The following SDK1 variants were observed in gnomAD, a reference collection of about 807,000 sequenced individuals.
SDK1 encodes sidekick cell adhesion molecule 1, also known as protein sidekick-1.
Under a neutral mutation model 245.5 loss-of-function variants are expected in SDK1, and 157 were observed. That is an observed-to-expected ratio of 0.64 (90% CI 0.56 to 0.73). The LOEUF is 0.73. Ranked by LOEUF, SDK1 falls within the 30% of genes least tolerant of loss-of-function variation. The pLI is 0.00. For synonymous variants in SDK1, 1,647 were observed against 1,278.5 expected, an observed-to-expected ratio of 1.29 and a Z score of -6.15; for missense variants, 3,583 against 3,002.3, an observed-to-expected ratio of 1.19 and a Z score of -4.52.
intron 5 of SDK1, among the ~76,000 whole-genome samples, chr7:3,859,032 T>A (rs1315511851): frequency 6.6e-6 from 1 of 151,418 alleles, no homozygotes; most frequent in Non-Finnish European, 1.5e-5. Context: ...CCGGCTAATT[T>A]TTTGTATTTT....
intron 5 of SDK1, among the ~76,000 whole-genome samples, chr7:3,896,535 G>C (rs1013880): frequency 0.36 from 55,255 of 152,064 alleles, 13,791 homozygotes; most frequent in African/African-American, 0.71. Context: ...CTGGGCCTCC[G>C]CAGACTCTAA....
At chr7:3,444,137 C>T (rs186364852) in intron 1 of SDK1, among the ~76,000 whole-genome samples, 60 of 152,258 alleles carry the variant, frequency 3.9e-4, no homozygotes, top group African/African-American at 1.3e-3. Context: ...CTGGAAAGGG[C>T]GGGTTTAATT....
chr7:3,439,045 G>A (rs1420710724), intron 1 of SDK1, among the ~76,000 whole-genome samples: 1 of 151,726 alleles, frequency 6.6e-6, no homozygotes, highest in African/African-American at 2.4e-5. Flanking sequence ...TAGAGATGGG[G>A]TTTTACCACG....
At chr7:4,097,185 C>G (rs915675053) in intron 22 of SDK1, among the ~76,000 whole-genome samples, 2 of 152,228 alleles carry the variant, frequency 1.3e-5, no homozygotes, top group Admixed American at 6.5e-5. Context: ...CACCCCACCT[C>G]GCAGCAAACA....
intron 1 of SDK1, among the ~76,000 whole-genome samples, chr7:3,321,493 T>C (rs13230698): frequency 0.61 from 92,213 of 151,946 alleles, 28,860 homozygotes; most frequent in African/African-American, 0.78. Flanking sequence ...AGTGCACTTA[T>C]TTGGTTGATA....
intron 5 of SDK1, among the ~76,000 whole-genome samples, chr7:3,924,593 A>T (rs1779705400): frequency 6.6e-6 from 1 of 152,098 alleles, no homozygotes. Context: ...GTTACCAGTG[A>T]CAGTAGTGTT....
At chr7:3,495,314 G>T (rs1178781759) in intron 1 of SDK1, among the ~76,000 whole-genome samples, 1 of 142,224 alleles carries the variant, frequency 7.0e-6, no homozygotes, top group African/African-American at 2.7e-5. Context: ...CTGGAGTGCA[G>T]TGTTGCAATC....
rs960592443 is a variant in SDK1 at position 3,744,773 on chromosome 7, A to G, written c.714-76677A>G. ...GTTGCAGTGAGCGGAGATCACACCAATGCACTCCAGCCTGGGCGACAGAGT... is the reference window on the plus strand; with the variant it reads ...GTTGCAGTGAGCGGAGATCACACCAGTGCACTCCAGCCTGGGCGACAGAGT... On this transcript the variant is annotated intron_variant, in intron 4 of 44. Coordinates refer to ENST00000404826, the MANE Select transcript of SDK1 (RefSeq NM_152744.4). Among the ~76,000 whole-genome samples, 10 of 151,956 alleles carry G rather than the reference A, an allele frequency of 6.6e-5. No homozygotes were observed. The East Asian group carries it at 1.4e-3, about 21-fold the overall frequency.
In SDK1 at chr7:4,268,331, C is replaced by CGA. The variant is rs201052629; in HGVS notation, c.*2947_*2948insGA. 1 of 1,040,410 alleles carries CGA rather than the reference C, an allele frequency of 9.6e-7. No individual in the cohort carries two copies. The highest frequency in any genetic ancestry group is 1.2e-6 in the Non-Finnish European group (1 of 861,778). The allele number at this position is 1,040,410 out of a possible 1,614,324, so 64.4% of individuals were successfully genotyped here. On this transcript the variant is annotated 3_prime_UTR_variant, in exon 45 of 45. Coordinates refer to ENST00000404826, the MANE Select transcript of SDK1 (RefSeq NM_152744.4). ...GGGCAGAGATTCCAGGCAGGTGAGCCCAGAGAGAGCTGCCAGGCCACACCC... is the reference window on the plus strand; with the variant it reads ...GGGCAGAGATTCCAGGCAGGTGAGCCGACAGAGAGAGCTGCCAGGCCACACCC...
chr7:3,356,968 C>T (rs995787931), intron 1 of SDK1, among the ~76,000 whole-genome samples: 9 of 89,184 alleles, frequency 1.0e-4, no homozygotes, highest in Non-Finnish European at 1.9e-4. Flanking sequence ...GGCAGAAGAA[C>T]CGCTTGAACC....
Position 4,233,332 on chromosome 7 carries a change from C to T in SDK1, c.5905C>T (p.Arg1969Trp), listed in dbSNP as rs768571241. The T allele has an allele frequency of 6.2e-6, 10 of 1,613,956 alleles. No homozygotes were observed. The highest frequency in any genetic ancestry group is 5.0e-5 in the Admixed American group (3 of 60,030). Residue 1969 changes from arginine (R) to tryptophan (W), a missense_variant, in exon 41 of 45, where the codon CGG (arginine) becomes TGG (tryptophan). Coordinates refer to ENST00000404826, the MANE Select transcript of SDK1 (RefSeq NM_152744.4). Reference sequence around the variant, plus strand: ...CTACACCCTCAGCCTGGATAAGCTCCGGCAAGGAGTGACTTACGAGTTCCG... The same window carrying T: ...CTACACCCTCAGCCTGGATAAGCTCTGGCAAGGAGTGACTTACGAGTTCCG... ...TSYTLSLDKL[R>W]QGVTYEFRVV...
chr7:3,555,579 A>G (rs1779562479), intron 1 of SDK1, among the ~76,000 whole-genome samples: 1 of 152,210 alleles, frequency 6.6e-6, no homozygotes, highest in African/African-American at 2.4e-5. Flanking sequence ...AAATGAGATC[A>G]CATGAAGTTA....
chr7:3,344,978 A>G (rs146500449), intron 1 of SDK1, among the ~76,000 whole-genome samples: 1 of 152,230 alleles, frequency 6.6e-6, no homozygotes, highest in Non-Finnish European at 1.5e-5. Flanking sequence ...GGGACAACTT[A>G]TGTAAAAATC....
intron 4 of SDK1, among the ~76,000 whole-genome samples, chr7:3,699,030 C>T (rs1351505449): frequency 6.6e-6 from 1 of 152,132 alleles, no homozygotes; most frequent in African/African-American, 2.4e-5. Flanking sequence ...ATCAACTTCC[C>T]ACTCCCAGGT....
intron 14 of SDK1, among the ~76,000 whole-genome samples, chr7:3,996,124 A>G (rs961730072): frequency 2.0e-5 from 3 of 152,108 alleles, no homozygotes; most frequent in Non-Finnish European, 4.4e-5. Context: ...CTTTCTTTCA[A>G]ATGATCCATT....
In SDK1 at chr7:4,233,261, G is replaced by C. The variant is rs149277638; in HGVS notation, c.5834G>C (p.Gly1945Ala). Residue 1945 changes from glycine to alanine, a missense_variant, in exon 41 of 45, where the codon GGC becomes GCC. By Grantham distance (60) the Gly-to-Ala change is moderately conservative (BLOSUM62 0). Transcript: ENST00000404826. ...YVIEARPSDE[G>A]LWDMFVKDIP... ...CTCCCCATCCCTCTTGCAGATGAAG[G>C]CTTATGGGACATGTTTGTGAAGGAC... is the stretch of plus-strand genomic sequence containing the variant. 8.6e-4 allele frequency: 1,389 copies of C among 1,613,362 alleles called. 2 individuals are homozygous for C. The highest frequency in any genetic ancestry group is 1.1e-3 in the Non-Finnish European group (1,268 of 1,179,810).
chr7:3,608,507 G>A (rs1254879232), intron 1 of SDK1, among the ~76,000 whole-genome samples: 6 of 152,188 alleles, frequency 3.9e-5, no homozygotes. Context: ...GATAAAAATT[G>A]AGCTCATAAG....
chr7:3,763,326 AT>A (rs931687138), intron 4 of SDK1, among the ~76,000 whole-genome samples: 1 of 152,130 alleles, frequency 6.6e-6, no homozygotes, highest in African/African-American at 2.4e-5. Flanking sequence ...CAACTCGATC[AT>A]TTTTTTCAAC....
At chr7:3,394,619 C>G (rs1192715086) in intron 1 of SDK1, among the ~76,000 whole-genome samples, 1 of 151,810 alleles carries the variant, frequency 6.6e-6, no homozygotes, top group African/African-American at 2.4e-5. Context: ...GGAGAATTGC[C>G]ATTTTAACAA....
Sources: gnomAD v4.1 joint callset for allele counts (sites outside exome capture counted in the v4.1 genomes callset) on GRCh38, gnomAD v4.1.1 for gene constraint, MANE v1.5 for transcripts, NCBI Gene and HGNC (gene_info 2026-07-23, HGNC 2026-07-21) for gene names.